Variants in MROH9 observed in about 807,000 individuals in gnomAD.
The protein encoded by MROH9 is maestro heat like repeat family member 9, also known as maestro heat-like repeat-containing protein family member 9.
MROH9 carries 92 observed loss-of-function variants against 98.2 expected under a neutral mutation model. The ratio of observed to expected loss-of-function variants is 0.94; its 90% CI spans 0.79 to 1.11. MROH9 has a LOEUF of 1.11. MROH9 is among the 50% of genes most tolerant of loss of function. MROH9 has a pLI of 0.00. For synonymous variants in MROH9, 397 were observed against 368.9 expected, an observed-to-expected ratio of 1.08 and a Z score of -0.87; for missense variants, 1,057 against 1,014.8, an observed-to-expected ratio of 1.04 and a Z score of -0.57.
At chr1:171,018,393 C>A (rs1291353870) in intron 17 of MROH9, among the ~76,000 whole-genome samples, 1 of 151,334 alleles carries the variant, frequency 6.6e-6, no homozygotes, top group Non-Finnish European at 1.5e-5. Flanking sequence ...AAACCCTATT[C>A]AAATGTCAGC....
chr1:170,996,699 C>G, intron 14 of MROH9, 55 bp downstream of exon 14: 1 of 1,563,752 alleles, frequency 6.4e-7, no homozygotes, highest in Non-Finnish European at 8.7e-7. Flanking sequence ...CCTTCTCCAA[C>G]TTCCTTCAAT....
At position 170,959,562 on chromosome 1, in the gene MROH9, A is replaced by ACT; in HGVS notation, c.253_254insCT (p.Met85ThrfsTer20). 6.2e-7 allele frequency: 1 copy of ACT among 1,613,866 alleles called. No homozygotes were observed. The highest frequency in any genetic ancestry group is 8.5e-7 in the Non-Finnish European group (1 of 1,179,898). ...GCCAAGTCTTGACAAAGTAAAAGAAATGGGGAGCAGTTATGAGTACATTGA... is the reference window on the plus strand; with the variant it reads ...GCCAAGTCTTGACAAAGTAAAAGAAACTTGGGGAGCAGTTATGAGTACATTGA... On this transcript the variant is annotated frameshift_variant, in exon 5 of 22. Transcript: ENST00000367759. LOFTEE classifies it high-confidence loss of function.
rs1033366826 is a variant in MROH9, at chr1:170,974,995, G to A, written c.616+3112G>A. Among the ~76,000 whole-genome samples, 3 of 151,742 alleles carry A rather than the reference G, an allele frequency of 2.0e-5. No individual in the cohort carries two copies. The East Asian group carries it at 5.8e-4, about 29-fold the overall frequency. ...CACCATTAAGATAATATAGCAAAAA[G>A]TTATATATATTAAGCCAAAATGGAG... On this transcript the variant is annotated intron_variant, in intron 8 of 21. Coordinates refer to ENST00000367759, the MANE Select transcript of MROH9 (RefSeq NM_001163629.2).
At chr1:171,002,428 C>T (rs939590709) in intron 15 of MROH9, among the ~76,000 whole-genome samples, 11 of 152,076 alleles carry the variant, frequency 7.2e-5, no homozygotes, top group African/African-American at 1.9e-4. Flanking sequence ...CTCCTTTTAG[C>T]AGTTCTTGTA....
intron 15 of MROH9, among the ~76,000 whole-genome samples, chr1:171,010,974 T>C (rs933049449): frequency 6.6e-5 from 10 of 152,198 alleles, no homozygotes; most frequent in Non-Finnish European, 2.9e-5. Context: ...AATTGTGGCT[T>C]TTGTTACCAT....
chr1:170,972,729 G>A (rs1357745102), intron 8 of MROH9, among the ~76,000 whole-genome samples: 12 of 151,302 alleles, frequency 7.9e-5, no homozygotes, highest in South Asian at 2.1e-4. Context: ...GGAGAATGGC[G>A]TGAACCCAGG....
At chr1:170,977,802 T>C (rs1650770760) in intron 8 of MROH9, among the ~76,000 whole-genome samples, 1 of 152,122 alleles carries the variant, frequency 6.6e-6, no homozygotes. Context: ...AAGGATCTTT[T>C]ACTTGTCTTC....
At chr1:171,002,673 C>G (rs989368478) in intron 15 of MROH9, among the ~76,000 whole-genome samples, 1 of 152,182 alleles carries the variant, frequency 6.6e-6, no homozygotes, top group Non-Finnish European at 1.5e-5. Flanking sequence ...TTCTGTCTAA[C>G]AGCTCTTAAG....
chr1:170,938,629 A>G (rs1648992324), intron 1 of MROH9, among the ~76,000 whole-genome samples: 1 of 152,244 alleles, frequency 6.6e-6, no homozygotes. Flanking sequence ...GATCAGAAGC[A>G]ATGCTGTGTG....
chr1:171,038,118 A>C (rs1006891063), intron 20 of MROH9, among the ~76,000 whole-genome samples: 21 of 152,136 alleles, frequency 1.4e-4, no homozygotes, highest in Admixed American at 8.5e-4. Flanking sequence ...AAACTACTAT[A>C]AACAAAGTAA....
chr1:170,998,416 G>A (rs190565369), intron 15 of MROH9, 142 bp downstream of exon 15: 94 of 1,601,100 alleles, frequency 5.9e-5, no homozygotes, highest in East Asian at 2.9e-4. Context: ...ATCTGAAGTC[G>A]GATGGGGAGA....
chr1:170,976,802 C>T (rs935376260), intron 8 of MROH9, among the ~76,000 whole-genome samples: 1 of 152,158 alleles, frequency 6.6e-6, no homozygotes, highest in Non-Finnish European at 1.5e-5. Context: ...GGGAAGTTTT[C>T]ATGGATGATA....
At position 170,986,652 on chromosome 1, in the gene MROH9, C is replaced by G. The variant is rs774306264; in HGVS notation, c.821C>G (p.Ser274Cys). ...TCTTCACCTGATGATAAAATCGCAT[C>G]TGATGCAGCATCCATACTGATATTT... ...KLSSPDDKIA[S>C]DAASILIFTL... Residue 274 changes from serine to cysteine, a missense_variant, in exon 10 of 22, where the codon TCT becomes TGT. Physicochemically the swap from Ser to Cys is moderately radical, Grantham distance 112. Transcript: ENST00000367759. The G allele has an allele frequency of 6.2e-7, 1 of 1,613,908 alleles. No homozygotes were observed. Among genetic ancestry groups the G allele is most frequent in the Non-Finnish European group, 8.5e-7 (1 of 1,179,900 alleles).
chr1:171,002,343 A>G (rs551792163), intron 15 of MROH9, among the ~76,000 whole-genome samples: 1 of 152,108 alleles, frequency 6.6e-6, no homozygotes, highest in East Asian at 1.9e-4. Flanking sequence ...TTTTTGTTTT[A>G]TAGGTCCTGT....
In MROH9 at chr1:170,958,401, TC is replaced by T. The variant is rs746761444; in HGVS notation, c.73-59del. On this transcript the variant is annotated intron_variant, in intron 3 of 21. Coordinates refer to ENST00000367759, the MANE Select transcript of MROH9 (RefSeq NM_001163629.2). The stretch of plus-strand genomic sequence containing the variant: ...GAAGAAGTGCACATGCTATTATGAG[TC>T]TCACTGCTCTGTAATCATTAATTCT... 7.5e-5 allele frequency: 75 copies of T among 996,040 alleles called. 1 individual carries two copies. The highest frequency in any genetic ancestry group is 1.1e-4 in the Non-Finnish European group (75 of 661,114). The allele number at this position is 996,040 out of a possible 1,614,324, so 61.7% of individuals were successfully genotyped here.
chr1:170,974,121 CAG>C (rs777890744), intron 8 of MROH9, among the ~76,000 whole-genome samples: 21 of 152,032 alleles, frequency 1.4e-4, no homozygotes, highest in Non-Finnish European at 2.9e-4. Context: ...AAAATTTAAA[CAG>C]AGAAATAAAT....
intron 8 of MROH9, among the ~76,000 whole-genome samples, chr1:170,976,657 A>G (rs1018519071): frequency 5.3e-5 from 8 of 152,028 alleles, no homozygotes; most frequent in Non-Finnish European, 5.9e-5. Context: ...TGAGGCATAT[A>G]AAAAAATGAT....
chr1:170,991,785 T>G (rs1651366178), intron 11 of MROH9, among the ~76,000 whole-genome samples: 1 of 152,128 alleles, frequency 6.6e-6, no homozygotes, highest in Non-Finnish European at 1.5e-5. Flanking sequence ...TATATTCCCA[T>G]GCCAGTTTTT....
chr1:170,967,441 G>A (rs1254221733), intron 7 of MROH9, among the ~76,000 whole-genome samples: 3 of 152,170 alleles, frequency 2.0e-5, no homozygotes, highest in African/African-American at 7.2e-5. Context: ...ACACACTGTT[G>A]ACAAATTAAA....
Sources: gnomAD v4.1 joint callset for allele counts (sites outside exome capture counted in the v4.1 genomes callset) on GRCh38, gnomAD v4.1.1 for gene constraint, MANE v1.5 for transcripts, NCBI Gene and HGNC (gene_info 2026-07-23, HGNC 2026-07-21) for gene names.